The following TOE1 variants were observed in gnomAD, a reference collection of about 807,000 sequenced individuals.
TOE1 encodes the protein target of EGR1, exonuclease.
In TOE1, 50 loss-of-function variants were observed where a neutral mutation model predicts 49.2. That is an observed-to-expected ratio of 1.02 (90% confidence interval 0.81 to 1.29). The LOEUF (loss-of-function observed/expected upper bound fraction) is 1.29, where lower values mean the gene tolerates loss of function less well. Among genes scored for constraint, TOE1 ranks in the 50% most tolerant of loss-of-function variants. TOE1 has a pLI of 0.00. For missense variants in TOE1, 544 were observed against 654.4 expected, an observed-to-expected ratio of 0.83 and a Z score of 1.84; for synonymous variants, 221 against 247.0, an observed-to-expected ratio of 0.89 and a Z score of 0.99.
rs1356416302 is a variant in TOE1 at position 45,341,952 on chromosome 1, G to A, written c.337G>A (p.Glu113Lys). The A allele has an allele frequency of 3.1e-6, 5 of 1,613,658 alleles. No homozygotes were observed. Among genetic ancestry groups the A allele is most frequent in the Non-Finnish European group, 4.2e-6 (5 of 1,179,792 alleles). The change falls in exon 5 of 8, where the codon GAA (glutamate) becomes AAA (lysine). Residue 113 changes from glutamate (E) to lysine (K), a missense_variant. Physicochemically the swap from Glu to Lys is moderately conservative, Grantham distance 56. Transcript: ENST00000372090. ...AGCAGACTTCTCTTTCTCCCAGGGT[G>A]AACATTCCTATCTGGCTCAAGTGTT... ...ACFKRQPDKG[E>K]HSYLAQVFNL... is the part of the protein sequence containing the mutation.
At chr1:45,340,485 G>A in intron 1 of TOE1, 181 bp downstream of exon 1, 4 of 1,459,070 alleles carry the variant, frequency 2.7e-6, no homozygotes, top group Non-Finnish European at 2.7e-6. Flanking sequence ...AGCCTGGAGC[G>A]TTGGGAGCAT....
chr1:45,343,585 C>T lies in TOE1; in HGVS notation c.1416C>T (p.Cys472=). ...GCTCTGGACCCTGGCTCCCTGAATGCCACAATAAGGTATATTTGAGTGGCA... is the reference window on the plus strand; with the variant it reads ...GCTCTGGACCCTGGCTCCCTGAATGTCACAATAAGGTATATTTGAGTGGCA... The part of the protein sequence containing the change: ...PCSSGPWLPE[C]HNKVYLSGKA... Residue 472 remains cysteine (C), a synonymous_variant, in exon 8 of 8, where the codon TGC becomes TGT. Coordinates refer to ENST00000372090, the MANE Select transcript of TOE1 (RefSeq NM_025077.4). The surrounding 1 kb of genome is among the most constrained non-coding windows in gnomAD (Gnocchi z 4.3). 1 of 1,614,080 alleles carries T rather than the reference C, an allele frequency of 6.2e-7. No homozygotes were observed.
rs1647088136 is a variant in TOE1, at chr1:45,343,487, G to A, written c.1318G>A (p.Ala440Thr). ...NPVPGDGLHR[A>T]GFDAFMTGYV... ...AGTGCCTGGGGATGGATTGCACCGG[G>A]CTGGTTTTGATGCCTTTATGACAGG... Residue 440 changes from alanine (A) to threonine (T), a missense_variant, in exon 8 of 8, where the codon GCT becomes ACT. Ala to Thr is a moderately conservative substitution (Grantham distance 58). Coordinates refer to ENST00000372090, the MANE Select transcript of TOE1 (RefSeq NM_025077.4). This position sits in a 1 kb window ranked among gnomAD's most constrained non-coding sequence, Gnocchi z 4.3. 2 of 1,614,080 alleles carry A rather than the reference G, an allele frequency of 1.2e-6. No homozygotes were observed. Among genetic ancestry groups the A allele is most frequent in the Non-Finnish European group, 1.7e-6 (2 of 1,180,042 alleles).
chr1:45,343,725 G>A lies in TOE1; in HGVS notation c.*23G>A. ...TGATGCAACTTCCACCTTGCTCTCA[G>A]GTGGAACAGAGGTATTTTGGGTCTC... On this transcript the variant is annotated 3_prime_UTR_variant, in exon 8 of 8. Coordinates refer to ENST00000372090, the MANE Select transcript of TOE1 (RefSeq NM_025077.4). This position sits in a 1 kb window ranked among gnomAD's most constrained non-coding sequence, Gnocchi z 4.3. 6.3e-7 allele frequency: 1 copy of A among 1,593,906 alleles called. No individual in the cohort carries two copies.
intron 6 of TOE1, 43 bp downstream of exon 6, chr1:45,342,686 T>G (rs1426057770): frequency 6.2e-7 from 1 of 1,606,786 alleles, no homozygotes; most frequent in East Asian, 2.2e-5. Flanking sequence ...CTGATACGAG[T>G]TTATTTCATT....
In TOE1 at chr1:45,343,807, T is replaced by G; in HGVS notation, c.*105T>G. The G allele has an allele frequency of 7.3e-7, 1 of 1,367,832 alleles. No individual in the cohort carries two copies. Among genetic ancestry groups the G allele is most frequent in the Non-Finnish European group, 1.0e-6 (1 of 996,898 alleles). The allele number at this position is 1,367,832 out of a possible 1,614,324, so 84.7% of individuals were successfully genotyped here. On this transcript the variant is annotated 3_prime_UTR_variant, in exon 8 of 8. Coordinates refer to ENST00000372090, the MANE Select transcript of TOE1 (RefSeq NM_025077.4). This position sits in a 1 kb window ranked among gnomAD's most constrained non-coding sequence, Gnocchi z 4.3. ...TGAGTTTAGGGGAGGGGGAATGTCT[T>G]GACAGACATCACTGCATTGCCCTGG...
At position 45,341,568 on chromosome 1, in the gene TOE1, A is replaced by C; in HGVS notation, c.332A>C (p.Lys111Thr). ...GLACFKRQPD[K>T]GEHSYLAQVF... ...GCCTGCTTCAAGCGGCAGCCAGACA[A>C]GGTATGAGCTGATCTCACCCCAATC... The change falls in exon 4 of 8, where the codon AAG (lysine) becomes ACG (threonine). Residue 111 changes from lysine to threonine, a missense_variant and splice_region_variant. By Grantham distance (78) the Lys-to-Thr change is moderately conservative. Coordinates refer to ENST00000372090, the MANE Select transcript of TOE1 (RefSeq NM_025077.4). 1 of 1,612,754 alleles carries C rather than the reference A, an allele frequency of 6.2e-7. No individual in the cohort carries two copies. Among genetic ancestry groups the C allele is most frequent in the Non-Finnish European group, 8.5e-7 (1 of 1,179,388 alleles).
chr1:45,341,072 G>A lies in TOE1; in HGVS notation c.53-1G>A. On this transcript the variant is annotated splice_acceptor_variant, in intron 1 of 7. Coordinates refer to ENST00000372090, the MANE Select transcript of TOE1 (RefSeq NM_025077.4). LOFTEE classifies it high-confidence loss of function. ...ACATCCATCACCCTCCTAACCCCCA[G>A]GTGGTGTCAGCAAAAGCACAACATC... is the stretch of plus-strand genomic sequence containing the variant. 6.2e-7 allele frequency: 1 copy of A among 1,614,202 alleles called. No homozygotes were observed. Among genetic ancestry groups the A allele is most frequent in the South Asian group, 1.1e-5 (1 of 91,086 alleles).
chr1:45,342,914 C>T lies in TOE1; in HGVS notation c.824C>T (p.Ser275Phe), dbSNP rs374307531. 1 of 1,614,020 alleles carries T rather than the reference C, an allele frequency of 6.2e-7. No homozygotes were observed. Among genetic ancestry groups the T allele is most frequent in the East Asian group, 2.2e-5 (1 of 44,844 alleles). ...ACCCTGGAGTTCTGCAACTATCCTTCCAGCATGAGGGACCATATTGATTAC... is the reference window on the plus strand; with the variant it reads ...ACCCTGGAGTTCTGCAACTATCCTTTCAGCATGAGGGACCATATTGATTAC... ...HLTLEFCNYP[S>F]SMRDHIDYRC... is the part of the protein sequence containing the mutation. Residue 275 changes from serine to phenylalanine, a missense_variant, in exon 7 of 8, where the codon TCC becomes TTC. Ser to Phe is a radical substitution (Grantham distance 155, BLOSUM62 -2). Coordinates refer to ENST00000372090, the MANE Select transcript of TOE1 (RefSeq NM_025077.4).
rs774530388 is a variant in TOE1, at chr1:45,340,215, G to C, written c.-38G>C. 3 of 1,613,794 alleles carry C rather than the reference G, an allele frequency of 1.9e-6. No individual in the cohort carries two copies. The Admixed American group carries it at 5.0e-5, about 27-fold the overall frequency. ...CCAGGAGACGGACCGCAAGTCCAGC[G>C]TACCCACAGACGACTCAGGCGGGAG... On this transcript the variant is annotated 5_prime_UTR_variant, in exon 1 of 8. Coordinates refer to ENST00000372090, the MANE Select transcript of TOE1 (RefSeq NM_025077.4).
At chr1:45,342,221 T>C (rs1483227043) in intron 5 of TOE1, 114 bp downstream of exon 5, 5 of 1,500,584 alleles carry the variant, frequency 3.3e-6, no homozygotes, top group Non-Finnish European at 4.6e-6. Context: ...GGGGAATCAC[T>C]AGTGACAGGG....
Position 45,341,170 on chromosome 1 carries a change from C to T in TOE1, c.150C>T (p.Ser50=). ...ACAACTTCAAGGAGATGTGGCCATC[C>T]CTCCTGCTAGCCATAAAGACAGCTA... ...QSNNFKEMWP[S]LLLAIKTANF... Residue 50 remains serine (S), a synonymous_variant, in exon 2 of 8, where the codon TCC becomes TCT. Coordinates refer to ENST00000372090, the MANE Select transcript of TOE1 (RefSeq NM_025077.4). 5 of 1,614,160 alleles carry T rather than the reference C, an allele frequency of 3.1e-6. No homozygotes were observed. Among genetic ancestry groups the T allele is most frequent in the South Asian group, 1.1e-5 (1 of 91,084 alleles).
At chr1:45,340,389 T>G in intron 1 of TOE1, 85 bp downstream of exon 1, 1 of 1,548,932 alleles carries the variant, frequency 6.5e-7, no homozygotes. Flanking sequence ...TAGAGGCTCC[T>G]CAAGCTTCAG....
chr1:45,340,291 C>G lies in TOE1; in HGVS notation c.39C>G (p.Pro13=), dbSNP rs749548330. Residue 13 remains proline (P), a synonymous_variant, in exon 1 of 8, where the codon CCC becomes CCG. Coordinates refer to ENST00000372090, the MANE Select transcript of TOE1 (RefSeq NM_025077.4). ...ADSDDGAVSA[P]AASDGGVSKS... ...GTGACGATGGCGCAGTTTCAGCTCC[C>G]GCAGCTTCCGACGGTGAGCGGCTTC... The G allele has an allele frequency of 6.2e-7, 1 of 1,613,288 alleles. No homozygotes were observed. Among genetic ancestry groups the G allele is most frequent in the East Asian group, 2.2e-5 (1 of 44,834 alleles).
rs1274352278 is a variant in TOE1 at position 45,342,893 on chromosome 1, T to G, written c.803T>G (p.Leu268Arg). The G allele has an allele frequency of 1.9e-6, 3 of 1,613,980 alleles. No individual in the cohort carries two copies. The highest frequency in any genetic ancestry group is 2.5e-6 in the Non-Finnish European group (3 of 1,180,020). ...QRAAGSPHLT[L>R]EFCNYPSSMR... ...GCAGCTGGCAGCCCACACCTTACCC[T>G]GGAGTTCTGCAACTATCCTTCCAGC... Residue 268 changes from leucine to arginine, a missense_variant, in exon 7 of 8, where the codon CTG (leucine) becomes CGG (arginine). Coordinates refer to ENST00000372090, the MANE Select transcript of TOE1 (RefSeq NM_025077.4).
chr1:45,342,045 C>T lies in TOE1; in HGVS notation c.430C>T (p.His144Tyr). The change falls in exon 5 of 8, where the codon CAT becomes TAT. Residue 144 changes from histidine (H) to tyrosine (Y), a missense_variant. Transcript: ENST00000372090. ...EPKSVQFLIQ[H>Y]GFNFNQQYAQ... ...AAAGTCTGTGCAGTTCCTGATACAG[C>T]ATGGCTTCAACTTCAACCAGCAGTA... is the stretch of plus-strand genomic sequence containing the variant. 6.2e-7 allele frequency: 1 copy of T among 1,614,050 alleles called. No homozygotes were observed. Among genetic ancestry groups the T allele is most frequent in the Non-Finnish European group, 8.5e-7 (1 of 1,179,930 alleles).
chr1:45,341,568 A>G lies in TOE1; in HGVS notation c.332A>G (p.Lys111Arg), dbSNP rs1288957544. The G allele has an allele frequency of 6.2e-7, 1 of 1,612,754 alleles. No individual in the cohort carries two copies. The highest frequency in any genetic ancestry group is 8.5e-7 in the Non-Finnish European group (1 of 1,179,388). Reference protein sequence around the residue: ...GLACFKRQPDKGEHSYLAQVF... With the variant: ...GLACFKRQPDRGEHSYLAQVF... ...GCCTGCTTCAAGCGGCAGCCAGACA[A>G]GGTATGAGCTGATCTCACCCCAATC... Residue 111 changes from lysine (K) to arginine (R), a missense_variant and splice_region_variant, in exon 4 of 8, where the codon AAG (lysine) becomes AGG (arginine). By Grantham distance (26) the Lys-to-Arg change is conservative. Transcript: ENST00000372090.
rs546133410 is a variant in TOE1 at position 45,342,809 on chromosome 1, G to A, written c.753-34G>A. The A allele has an allele frequency of 1.1e-5, 18 of 1,613,678 alleles. No homozygotes were observed. In the East Asian group the frequency reaches 3.1e-4, roughly 28 times the overall value. On this transcript the variant is annotated intron_variant, in intron 6 of 7. Coordinates refer to ENST00000372090, the MANE Select transcript of TOE1 (RefSeq NM_025077.4). ...AACCCTGCTCTTATGGAGCTTATATGCTAGTGGACCATTACCCTCTTGCGC... is the reference window on the plus strand; with the variant it reads ...AACCCTGCTCTTATGGAGCTTATATACTAGTGGACCATTACCCTCTTGCGC...
At chr1:45,342,361 T>C in intron 5 of TOE1, 23 bp from the exon 6 acceptor site, 3 of 1,611,768 alleles carry the variant, frequency 1.9e-6, no homozygotes, top group Non-Finnish European at 2.5e-6. Flanking sequence ...GTCCTCCTCA[T>C]TGACCCCTTT....
Sources: gnomAD v4.1 joint callset for allele counts on GRCh38, gnomAD v4.1.1 for gene constraint, Gnocchi (gnomAD v3.1) non-coding constraint, MANE v1.5 for transcripts, NCBI Gene and HGNC (gene_info 2026-07-23, HGNC 2026-07-21) for gene names.